The following TMEM63A variants were observed in gnomAD, a reference collection of about 807,000 sequenced individuals.
The protein encoded by TMEM63A is mechanosensitive cation channel TMEM63A.
TMEM63A carries 76 observed loss-of-function variants against 100.6 expected under a neutral mutation model. The observed-to-expected ratio is 0.76, with a 90% CI of 0.63 to 0.91. TMEM63A has a LOEUF of 0.91. Among genes scored for constraint, TMEM63A ranks in the 40% least tolerant of loss-of-function variants. The probability of loss-of-function intolerance (pLI) is 0.00; values close to 1 mark genes in which losing one functional copy is unlikely to be tolerated. For missense variants in TMEM63A, 876 were observed against 1,008.8 expected, an observed-to-expected ratio of 0.87 and a Z score of 1.78; for synonymous variants, 401 against 401.1, an observed-to-expected ratio of 1.00 and a Z score of 0.00.
chr1:225,858,247 GTGTT>G (rs2102612837), intron 15 of TMEM63A, among the ~76,000 whole-genome samples: 1 of 151,830 alleles, frequency 6.6e-6, no homozygotes, highest in Non-Finnish European at 1.5e-5. Context: ...AGTTGAGTGA[GTGTT>G]TGGCTGTTAT....
At chr1:225,844,701 G>A, downstream of TMEM63A, 4 of 1,590,520 alleles carry the variant, frequency 2.5e-6, no homozygotes, top group Non-Finnish European at 3.4e-6. Flanking sequence ...TCCACGAAGG[G>A]CACTTGGTGG....
intron 17 of TMEM63A, 92 bp downstream of exon 17, chr1:225,856,560 T>C: frequency 7.4e-7 from 1 of 1,354,340 alleles, no homozygotes. Context: ...GAGGTTTGCT[T>C]CTGCTGCCAA....
At chr1:225,864,042 G>A (rs555692107) in intron 10 of TMEM63A, 4 of 151,662 alleles carry the variant, frequency 2.6e-5, no homozygotes, top group African/African-American at 9.7e-5. Context: ...TTTTACAGAT[G>A]AGTAAACTGA....
chr1:225,876,109 T>G (rs1362680564), intron 3 of TMEM63A, among the ~76,000 whole-genome samples: 1 of 129,678 alleles, frequency 7.7e-6, no homozygotes, highest in Admixed American at 8.3e-5. Context: ...AAATTCACCT[T>G]CAGCAGCACA....
At chr1:225,874,247 T>C (rs1670663527) in intron 4 of TMEM63A, 41 bp downstream of exon 4, 2 of 1,583,608 alleles carry the variant, frequency 1.3e-6, no homozygotes, top group Non-Finnish European at 1.7e-6. Flanking sequence ...CACTCACACG[T>C]ACGCACACGC....
At chr1:225,881,227 G>A (rs360103) in intron 1 of TMEM63A, among the ~76,000 whole-genome samples, 81,934 of 152,076 alleles carry the variant, frequency 0.54, 23,669 homozygotes, top group Middle Eastern at 0.65. Flanking sequence ...TCTGGAGTTA[G>A]GGTCTCAGCA....
chr1:225,879,016 G>A (rs1192972017), intron 2 of TMEM63A, among the ~76,000 whole-genome samples: 5 of 152,106 alleles, frequency 3.3e-5, no homozygotes, highest in Admixed American at 2.6e-4. Flanking sequence ...TAAGAGACTT[G>A]GCAATGGCTG....
chr1:225,853,389 C>G lies in TMEM63A; in HGVS notation c.1797+240G>C, dbSNP rs964090343. Among the ~76,000 whole-genome samples the G allele has an allele frequency of 2.0e-5, 3 of 152,126 alleles. No homozygotes were observed. Among genetic ancestry groups the G allele is most frequent in the Admixed American group, 2.0e-4 (3 of 15,268 alleles). On this transcript the variant is annotated intron_variant, in intron 19 of 24. Coordinates refer to ENST00000366835, the MANE Select transcript of TMEM63A (RefSeq NM_014698.3). This position sits in a 1 kb window ranked among gnomAD's most constrained non-coding sequence, Gnocchi z 4.0. ...TATGTATGTATGTGTGCGATCAAAC[C>G]GTTTCAAATGCCAAAGTCCCAAGCT...
chr1:225,845,690 A>C lies in TMEM63A; in HGVS notation c.*1249T>G, dbSNP rs1668922039. 6 of 424,160 alleles carry C rather than the reference A, an allele frequency of 1.4e-5. No individual in the cohort carries two copies. The highest frequency in any genetic ancestry group is 4.4e-5 in the South Asian group (2 of 45,806). The allele number at this position is 424,160 out of a possible 1,614,324, so 26.3% of individuals were successfully genotyped here. ...CCTGCTGGGGATGAGGCCACTGGCC[A>C]GGGCTATGCTGCACCAGACCAATGG... On this transcript the variant is annotated 3_prime_UTR_variant, in exon 25 of 25. Coordinates refer to ENST00000366835, the MANE Select transcript of TMEM63A (RefSeq NM_014698.3).
downstream of TMEM63A, chr1:225,842,501 C>T (rs775005879): frequency 2.0e-6 from 3 of 1,530,884 alleles, no homozygotes; most frequent in Non-Finnish European, 1.8e-6. Flanking sequence ...CCCCTGCAGT[C>T]ATGACCCTGG....
chr1:225,856,327 GTT>G (rs71574544), intron 17 of TMEM63A, among the ~76,000 whole-genome samples: 4,119 of 107,936 alleles, frequency 0.038, 172 homozygotes, highest in African/African-American at 0.14. Context: ...TTTCAAGCTG[GTT>G]TTTTTTTTTT....
At chr1:225,847,451 A>G (rs1669075145) in intron 23 of TMEM63A, 2 of 474,548 alleles carry the variant, frequency 4.2e-6, no homozygotes, top group South Asian at 3.6e-5. Context: ...AAGGAAGCAC[A>G]AGAGAGCAGT....
rs1324723449 is a variant in TMEM63A, at chr1:225,846,494, T to TGGAGGGACTGCTGGGCTGG, written c.*426_*444dup. The TGGAGGGACTGCTGGGCTGG allele has an allele frequency of 6.5e-6, 1 of 153,432 alleles. No individual in the cohort carries two copies. The highest frequency in any genetic ancestry group is 1.5e-5 in the Non-Finnish European group (1 of 68,866). The allele number at this position is 153,432 out of a possible 1,614,324, so 9.5% of individuals were successfully genotyped here. A position where few individuals can be genotyped will look rare whatever the true frequency, so the allele number is the denominator to read the frequency against. ...CCATAGCTTACTCCTGGATGTAGCC[T>TGGAGGGACTGCTGGGCTGG]GGAGGGACTGCTGGGCTGGGGAGGG... On this transcript the variant is annotated 3_prime_UTR_variant, in exon 25 of 25. Transcript: ENST00000366835.
intron 14 of TMEM63A, 98 bp from the exon 15 acceptor site, chr1:225,859,447 G>C: frequency 6.8e-7 from 1 of 1,469,726 alleles, no homozygotes; most frequent in Non-Finnish European, 9.2e-7. Context: ...CAAGAGACTA[G>C]CCTGGGGGCA....
rs577425586 is a variant in TMEM63A, at chr1:225,850,018, G to A, written c.1965C>T (p.Leu655=). 27 of 1,614,234 alleles carry A rather than the reference G, an allele frequency of 1.7e-5. No individual in the cohort carries two copies. Among genetic ancestry groups the A allele is most frequent in the Admixed American group, 1.7e-4 (10 of 60,032 alleles). Residue 655 remains leucine, a synonymous_variant, in exon 21 of 25, where the codon CTC becomes CTT. Coordinates refer to ENST00000366835, the MANE Select transcript of TMEM63A (RefSeq NM_014698.3). ...VDRHNLYFVY[L]PAKLEKGIHF... The stretch of plus-strand genomic sequence containing the variant: ...GGATCCCCTTCTCCAGCTTGGCTGG[G>A]AGGTAGACGAAGTAGAGGTTGTGCC...
chr1:225,841,676 A>C (rs1160289145), downstream of TMEM63A, among the ~76,000 whole-genome samples: 2 of 138,470 alleles, frequency 1.4e-5, no homozygotes, highest in Non-Finnish European at 3.0e-5. Flanking sequence ...ATCTCGGCTC[A>C]CTGCAACCTC....
chr1:225,840,631 A>G (rs2102764923), downstream of TMEM63A, among the ~76,000 whole-genome samples: 1 of 152,400 alleles, frequency 6.6e-6, no homozygotes, highest in East Asian at 1.9e-4. Flanking sequence ...TTAAATCTCC[A>G]TGGGACAAAA....
downstream of TMEM63A, chr1:225,841,311 C>T (rs937076745): frequency 1.3e-5 from 2 of 152,230 alleles, no homozygotes; most frequent in African/African-American, 4.8e-5. Context: ...AAGACCCAGT[C>T]TGGCTCTGTT....
At chr1:225,845,472 C>T (rs71646751), downstream of TMEM63A, 1 of 888,834 alleles carries the variant, frequency 1.1e-6, no homozygotes. Context: ...GGAGCCCACG[C>T]TCACCCCCTC....
Sources: allele counts gnomAD v4.1 joint callset (sites outside exome capture counted in the v4.1 genomes callset), GRCh38; gene constraint gnomAD v4.1.1; non-coding constraint Gnocchi (gnomAD v3.1); transcripts MANE v1.5; gene names NCBI Gene and HGNC (gene_info 2026-07-23, HGNC 2026-07-21).